Variants in CELF1 observed in about 807,000 individuals in gnomAD.
CELF1 encodes the protein CUGBP Elav-like family member 1.
Under a neutral mutation model 61.8 loss-of-function variants are expected in CELF1, and 10 were observed. The ratio of observed to expected loss-of-function variants is 0.16; its 90% CI spans 0.10 to 0.27. CELF1 has a LOEUF of 0.27. CELF1 is among the 10% of genes least tolerant of loss of function. The pLI is 1.00. For synonymous variants in CELF1, 236 were observed against 225.1 expected, an observed-to-expected ratio of 1.05 and a Z score of -0.43; for missense variants, 380 against 639.1, an observed-to-expected ratio of 0.59 and a Z score of 4.37.
rs889658873 is a variant in CELF1 at position 47,467,454 on chromosome 11, A to G, written c.*4776T>C. ...TCCCCCACCCCACTAGCTAAGCAAG[A>G]GCAGAGCTGTGATGAAGAGCCAGTG... On this transcript the variant is annotated 3_prime_UTR_variant, in exon 15 of 15. Transcript: ENST00000687097. 2.6e-5 allele frequency: 4 copies of G among 152,480 alleles called. No homozygotes were observed. Among genetic ancestry groups the G allele is most frequent in the African/African-American group, 7.2e-5 (3 of 41,568 alleles). The allele number at this position is 152,480 out of a possible 1,614,324, so 9.4% of individuals were successfully genotyped here.
chr11:47,513,190 ATGT>A (rs1487913847), intron 1 of CELF1, among the ~76,000 whole-genome samples: 3 of 152,244 alleles, frequency 2.0e-5, no homozygotes, highest in Non-Finnish European at 2.9e-5. Flanking sequence ...CTCATTTAAA[ATGT>A]TGTTAGTGAT....
At chr11:47,476,575 G>A (rs1290732827) in intron 12 of CELF1, among the ~76,000 whole-genome samples, 1 of 152,066 alleles carries the variant, frequency 6.6e-6, no homozygotes, top group Non-Finnish European at 1.5e-5. Flanking sequence ...ACAGGCGCCC[G>A]CCACCAGGCC....
chr11:47,481,097 TTC>T (rs1565766548), intron 9 of CELF1, among the ~76,000 whole-genome samples: 28 of 63,916 alleles, frequency 4.4e-4, no homozygotes, highest in East Asian at 1.4e-3. Context: ...TTTTTTTTTC[TTC>T]TTCTTTTTTT....
At chr11:47,475,055 A>G (rs2079387980) in intron 13 of CELF1, among the ~76,000 whole-genome samples, 1 of 152,258 alleles carries the variant, frequency 6.6e-6, no homozygotes, top group African/African-American at 2.4e-5. Context: ...CATTCTTGTC[A>G]AATGTGTCAG....
At chr11:47,551,208 G>A (rs2097129026) in intron 1 of CELF1, among the ~76,000 whole-genome samples, 1 of 151,990 alleles carries the variant, frequency 6.6e-6, no homozygotes, top group Non-Finnish European at 1.5e-5. Context: ...GAAAACCCTG[G>A]GTTTTCTTTA....
At chr11:47,556,021 C>G (rs927824729), upstream of CELF1, among the ~76,000 whole-genome samples, 1 of 144,312 alleles carries the variant, frequency 6.9e-6, no homozygotes, top group African/African-American at 2.6e-5. Context: ...AAAAAAAAAG[C>G]CAGTGTTAGT....
At chr11:47,550,529 C>T (rs573093421) in intron 1 of CELF1, among the ~76,000 whole-genome samples, 15 of 152,040 alleles carry the variant, frequency 9.9e-5, no homozygotes, top group Admixed American at 7.9e-4. Context: ...TGGGGGGGAC[C>T]GGACCCACAT....
intron 1 of CELF1, among the ~76,000 whole-genome samples, chr11:47,543,122 A>C (rs1231062698): frequency 6.6e-6 from 1 of 151,446 alleles, no homozygotes; most frequent in Admixed American, 6.6e-5. Flanking sequence ...ATGGAAAAGA[A>C]GGCCAGCATG....
chr11:47,482,927 A>G, intron 8 of CELF1, 71 bp from the exon 9 acceptor site: 1 of 1,395,060 alleles, frequency 7.2e-7, no homozygotes, highest in Non-Finnish European at 9.9e-7. Context: ...TTCCTTTTGG[A>G]TGACATGCAG....
At position 47,500,949 on chromosome 11, in the gene CELF1, C is replaced by T. The variant is rs1352837321; in HGVS notation, c.-153-17G>A. 5 of 397,060 alleles carry T rather than the reference C, an allele frequency of 1.3e-5. No homozygotes were observed. The highest frequency in any genetic ancestry group is 4.2e-5 in the African/African-American group (2 of 48,130). The allele number at this position is 397,060 out of a possible 1,614,324, so 24.6% of individuals were successfully genotyped here. On this transcript the variant is annotated splice_polypyrimidine_tract_variant and intron_variant, in intron 1 of 14. Coordinates refer to ENST00000687097, the MANE Select transcript of CELF1 (RefSeq NM_001376376.1). ...ATGTTCAGCCTGCAAAGAAGTAAAACGAATGAACTACTAAACACACAGAGT... is the reference window on the plus strand; with the variant it reads ...ATGTTCAGCCTGCAAAGAAGTAAAATGAATGAACTACTAAACACACAGAGT...
At position 47,484,292 on chromosome 11, in the gene CELF1, G is replaced by A. The variant is rs544879803; in HGVS notation, c.526+97C>T. 11 of 1,353,082 alleles carry A rather than the reference G, an allele frequency of 8.1e-6. No homozygotes were observed. In the South Asian group the frequency reaches 1.2e-4, roughly 14 times the overall value. The allele number at this position is 1,353,082 out of a possible 1,614,324, so 83.8% of individuals were successfully genotyped here. A position where few individuals can be genotyped will look rare whatever the true frequency, so the allele number is the denominator to read the frequency against. ...AAGGCACCACTGCACTCCAGCCTGG[G>A]TGAGAGAGAGCAAGACCTTGTCTCC... On this transcript the variant is annotated intron_variant, in intron 7 of 14. Coordinates refer to ENST00000687097, the MANE Select transcript of CELF1 (RefSeq NM_001376376.1).
intron 3 of CELF1, chr11:47,495,866 T>G (rs1301618676): frequency 4.4e-6 from 2 of 452,334 alleles, no homozygotes; most frequent in East Asian, 3.1e-4. Context: ...AACCTTTCAT[T>G]ATTTTTTCAC....
chr11:47,537,866 G>A (rs1449707998), intron 1 of CELF1, among the ~76,000 whole-genome samples: 4 of 151,020 alleles, frequency 2.6e-5, no homozygotes, highest in Non-Finnish European at 4.4e-5. Context: ...GGTTTAGTAC[G>A]ATACACACAA....
upstream of CELF1, among the ~76,000 whole-genome samples, chr11:47,554,189 G>C (rs936983255): frequency 1.3e-5 from 2 of 151,982 alleles, no homozygotes; most frequent in Non-Finnish European, 1.5e-5. Flanking sequence ...TCGCCTTTGG[G>C]GGGGAAAAAA....
rs779751311 is a variant in CELF1 at position 47,477,390 on chromosome 11, G to A, written c.880C>T (p.Leu294=). The change falls in exon 11 of 15, where the codon CTA becomes TTA. Residue 294 remains leucine (L), a synonymous_variant. Transcript: ENST00000687097. Reference sequence around the variant, plus strand: ...TGAGCTGCACTAGCTGCAGCAGCTAGTGCAGCCAAATTCTGTAACTGCATT... The same window carrying A: ...TGAGCTGCACTAGCTGCAGCAGCTAATGCAGCCAAATTCTGTAACTGCATT... ...NAMQLQNLAA[L]AAAASAAQNT... is the part of the protein sequence containing the mutation. 3 of 1,613,502 alleles carry A rather than the reference G, an allele frequency of 1.9e-6. No homozygotes were observed. The Admixed American group carries it at 5.0e-5, about 27-fold the overall frequency.
chr11:47,496,046 G>A, intron 3 of CELF1: 4 of 973,434 alleles, frequency 4.1e-6, no homozygotes, highest in Non-Finnish European at 4.9e-6. Context: ...ACAGTGCTGT[G>A]GAAAAACTGG....
upstream of CELF1, among the ~76,000 whole-genome samples, chr11:47,555,245 G>A (rs943158835): frequency 1.3e-5 from 2 of 152,130 alleles, no homozygotes; most frequent in Admixed American, 6.6e-5. Context: ...CACCATGCCC[G>A]TCTTATTATA....
Position 47,473,144 on chromosome 11 carries a change from T to C in CELF1, c.1361A>G (p.Asn454Ser), listed in dbSNP as rs756424483. ...TATGAAAACCTTGGCAGACACGACATTCCCAAAGGGCATAAACATCTGCAG... is the reference window on the plus strand; with the variant it reads ...TATGAAAACCTTGGCAGACACGACACTCCCAAAGGGCATAAACATCTGCAG... ...DLLQMFMPFG[N>S]VVSAKVFIDK... Residue 454 changes from asparagine (N) to serine (S), a missense_variant, in exon 14 of 15, where the codon AAT (asparagine) becomes AGT (serine). Coordinates refer to ENST00000687097, the MANE Select transcript of CELF1 (RefSeq NM_001376376.1). The C allele has an allele frequency of 1.5e-5, 25 of 1,614,018 alleles. No homozygotes were observed. The highest frequency in any genetic ancestry group is 2.0e-5 in the Non-Finnish European group (24 of 1,180,034).
At chr11:47,545,452 C>A (rs1308089092) in intron 1 of CELF1, among the ~76,000 whole-genome samples, 2 of 151,812 alleles carry the variant, frequency 1.3e-5, no homozygotes, top group African/African-American at 4.8e-5. Flanking sequence ...TAAATACTGA[C>A]CTTCATTCAG....
Sources: allele counts gnomAD v4.1 joint callset (sites outside exome capture counted in the v4.1 genomes callset), GRCh38; gene constraint gnomAD v4.1.1; transcripts MANE v1.5; gene names NCBI Gene and HGNC (gene_info 2026-07-23, HGNC 2026-07-21).